The following LAMA2 variants were observed in gnomAD, a reference collection of about 807,000 sequenced individuals.
LAMA2 encodes laminin subunit alpha 2, also known as laminin subunit alpha-2.
Under a neutral mutation model 364.8 loss-of-function variants are expected in LAMA2, and 269 were observed. The observed-to-expected ratio is 0.74, with a 90% CI of 0.67 to 0.82. The LOEUF (loss-of-function observed/expected upper bound fraction) is 0.82, where lower values mean the gene tolerates loss of function less well. Ranked by LOEUF, LAMA2 falls within the 40% of genes least tolerant of loss-of-function variation. LAMA2 has a pLI of 0.00. For synonymous variants in LAMA2, 1,379 were observed against 1,370.6 expected, an observed-to-expected ratio of 1.01 and a Z score of -0.14; for missense variants, 3,807 against 3,873.2, an observed-to-expected ratio of 0.98 and a Z score of 0.45.
intron 1 of LAMA2, among the ~76,000 whole-genome samples, chr6:129,013,060 A>G (rs1784859539): frequency 6.6e-6 from 1 of 152,238 alleles, no homozygotes; most frequent in Non-Finnish European, 1.5e-5. Flanking sequence ...AAATGTCACC[A>G]ATTATTGAAT....
chr6:129,425,505 G>T (rs2114736836), intron 40 of LAMA2, among the ~76,000 whole-genome samples: 1 of 151,932 alleles, frequency 6.6e-6, no homozygotes. Flanking sequence ...TGTCATGGAG[G>T]TTTGTTGTAT....
intron 32 of LAMA2, among the ~76,000 whole-genome samples, chr6:129,355,390 C>T (rs112787908): frequency 3.3e-5 from 5 of 152,110 alleles, no homozygotes; most frequent in African/African-American, 7.2e-5. Flanking sequence ...TCCCAGGATT[C>T]GGTTTCTACT....
chr6:128,921,711 T>TG (rs1554324961), intron 1 of LAMA2, among the ~76,000 whole-genome samples: 8 of 138,798 alleles, frequency 5.8e-5, no homozygotes, highest in African/African-American at 2.2e-4. Flanking sequence ...TTTTTTTTTT[T>TG]TTATTATTAT....
At chr6:129,319,369 A>C (rs968724497) in intron 27 of LAMA2, among the ~76,000 whole-genome samples, 2 of 152,192 alleles carry the variant, frequency 1.3e-5, no homozygotes, top group Non-Finnish European at 2.9e-5. Context: ...ACATTTTAAA[A>C]AGTGGGGGGA....
At chr6:129,285,503 C>T (rs923729886) in intron 18 of LAMA2, among the ~76,000 whole-genome samples, 2 of 151,992 alleles carry the variant, frequency 1.3e-5, no homozygotes, top group African/African-American at 4.8e-5. Context: ...GAAAAATTCC[C>T]AGATCTCGTT....
In LAMA2 at chr6:129,493,021, G is replaced by A. The variant is rs191826071; in HGVS notation, c.8244+538G>A. 3.5e-4 allele frequency among the ~76,000 whole-genome samples: 54 copies of A among 152,194 alleles called. No homozygotes were observed. In the East Asian group the frequency reaches 8.7e-3, roughly 25 times the overall value. On this transcript the variant is annotated intron_variant, in intron 58 of 64. Transcript: ENST00000421865. ...ATACAAAAAAATAGCCTGGCATGGC[G>A]GTGTGCACCTGTAGTCCCAGCTACT...
chr6:129,497,518 A>C (rs1270939297), intron 58 of LAMA2, among the ~76,000 whole-genome samples: 1 of 152,230 alleles, frequency 6.6e-6, no homozygotes, highest in Non-Finnish European at 1.5e-5. Flanking sequence ...TACAGGCATA[A>C]GCCACCACGC....
chr6:129,193,513 T>G (rs2115038266), intron 12 of LAMA2, among the ~76,000 whole-genome samples: 1 of 152,350 alleles, frequency 6.6e-6, no homozygotes, highest in Middle Eastern at 3.4e-3. Flanking sequence ...TGTGGATTAC[T>G]TCTATCTAGA....
intron 22 of LAMA2, among the ~76,000 whole-genome samples, chr6:129,307,114 G>A (rs914902592): frequency 6.6e-6 from 1 of 152,120 alleles, no homozygotes; most frequent in African/African-American, 2.4e-5. Context: ...AGGTAGTCAC[G>A]GGTCACTTGG....
intron 40 of LAMA2, among the ~76,000 whole-genome samples, chr6:129,418,948 G>A (rs954649203): frequency 1.3e-5 from 2 of 152,016 alleles, no homozygotes; most frequent in Non-Finnish European, 2.9e-5. Flanking sequence ...TTGTGGAATG[G>A]CTAAATCGAG....
intron 12 of LAMA2, among the ~76,000 whole-genome samples, chr6:129,219,480 T>G (rs541862130): frequency 2.0e-5 from 3 of 151,806 alleles, no homozygotes; most frequent in African/African-American, 7.3e-5. Context: ...TTACTGGGTA[T>G]GTACCCAAAG....
At chr6:129,177,334 G>C (rs79638453) in intron 9 of LAMA2, among the ~76,000 whole-genome samples, 1 of 152,114 alleles carries the variant, frequency 6.6e-6, no homozygotes, top group Admixed American at 6.5e-5. Context: ...GGCTTGTTCC[G>C]TGAGCCACTA....
chr6:129,075,192 A>G (rs999286748), intron 3 of LAMA2, among the ~76,000 whole-genome samples: 6 of 152,340 alleles, frequency 3.9e-5, no homozygotes, highest in African/African-American at 1.4e-4. Context: ...ATTAAAAACC[A>G]GAAAATACCA....
chr6:129,286,198 C>T (rs1473831793), intron 18 of LAMA2, among the ~76,000 whole-genome samples: 1 of 151,980 alleles, frequency 6.6e-6, no homozygotes, highest in African/African-American at 2.4e-5. Flanking sequence ...TATATTCTCC[C>T]ACATTGTTTT....
At chr6:129,088,146 T>C (rs9492226) in intron 3 of LAMA2, among the ~76,000 whole-genome samples, 79,991 of 87,768 alleles carry the variant, frequency 0.91, 36,746 homozygotes, top group East Asian at 0.96. Flanking sequence ...GCACATCTTG[T>C]ACCGCCCTTA....
At chr6:128,974,945 G>T (rs957725901) in intron 1 of LAMA2, among the ~76,000 whole-genome samples, 1 of 151,180 alleles carries the variant, frequency 6.6e-6, no homozygotes, top group Non-Finnish European at 1.5e-5. Context: ...TCCGCCTCAC[G>T]GGTTCACGCC....
intron 34 of LAMA2, among the ~76,000 whole-genome samples, chr6:129,379,964 A>G (rs1778589264): frequency 6.8e-6 from 1 of 147,332 alleles, no homozygotes; most frequent in African/African-American, 2.5e-5. Context: ...ATGACCCACG[A>G]CAATTTGCCA....
intron 61 of LAMA2, 58 bp from the exon 62 acceptor site, chr6:129,507,431 C>T: frequency 6.3e-7 from 1 of 1,579,964 alleles, no homozygotes; most frequent in Non-Finnish European, 8.7e-7. Context: ...CTGTATTCTA[C>T]ATAAAGGCAA....
chr6:129,051,716 C>A (rs1292807929), intron 2 of LAMA2, among the ~76,000 whole-genome samples: 1 of 93,954 alleles, frequency 1.1e-5, no homozygotes, highest in Non-Finnish European at 2.1e-5. Context: ...ATATCTATAT[C>A]TATAGATAGA....
Sources: allele counts gnomAD v4.1 joint callset (sites outside exome capture counted in the v4.1 genomes callset), GRCh38; gene constraint gnomAD v4.1.1; transcripts MANE v1.5; gene names NCBI Gene and HGNC (gene_info 2026-07-23, HGNC 2026-07-21).